Variants in UBE4B observed in about 807,000 individuals in gnomAD.
UBE4B encodes the protein ubiquitin conjugation factor E4 B.
In UBE4B, 27 loss-of-function variants were observed where a neutral mutation model predicts 148.1. That is an observed-to-expected ratio of 0.18 (90% confidence interval 0.13 to 0.25). UBE4B has a LOEUF of 0.25. Among genes scored for constraint, UBE4B ranks in the 10% least tolerant of loss-of-function variants. The pLI, the probability that UBE4B is intolerant of heterozygous loss-of-function variation, is 1.00. For synonymous variants in UBE4B, 596 were observed against 619.3 expected (o/e 0.96, Z 0.56); for missense variants, 1,170 against 1,662.4 (o/e 0.70, Z 5.15).
intron 17 of UBE4B, 143 bp downstream of exon 17, chr1:10,137,348 T>C: frequency 9.5e-7 from 1 of 1,056,296 alleles, no homozygotes; most frequent in Non-Finnish European, 1.4e-6. Context: ...CACCGCCACA[T>C]CCATGTTGCT....
intron 17 of UBE4B, among the ~76,000 whole-genome samples, chr1:10,137,742 A>G (rs776871961): frequency 3.3e-5 from 5 of 152,154 alleles, no homozygotes; most frequent in Non-Finnish European, 5.9e-5. Flanking sequence ...TTTCCTGTGT[A>G]CTAACACCAA....
At position 10,161,385 on chromosome 1, in the gene UBE4B, T is replaced by C. The variant is rs1557607652; in HGVS notation, c.3198+99T>C. On this transcript the variant is annotated intron_variant, in intron 23 of 27. Coordinates refer to ENST00000343090, the MANE Select transcript of UBE4B (RefSeq NM_001105562.3). This position sits in a 1 kb window ranked among gnomAD's most constrained non-coding sequence, Gnocchi z 4.1. The stretch of plus-strand genomic sequence containing the variant: ...GGCTGCATTTGTGGGTCTGATGATA[T>C]GCGATCTGACATGCTGGGATTTTCC... 12 of 1,387,020 alleles carry C rather than the reference T, an allele frequency of 8.7e-6. No homozygotes were observed. The highest frequency in any genetic ancestry group is 4.9e-5 in the Admixed American group (2 of 41,180). 85.9% of individuals were successfully genotyped at this position (1,387,020 alleles called of 1,614,324 possible). A position where few individuals can be genotyped will look rare whatever the true frequency, so the allele number is the denominator to read the frequency against.
At position 10,111,513 on chromosome 1, in the gene UBE4B, T is replaced by C. The variant is rs114817195; in HGVS notation, c.1196+4930T>C. ...ATTATATAGAACACACACGCACCCA[T>C]GCACGCACACCGTCGTTCTTCATCC... On this transcript the variant is annotated intron_variant, in intron 7 of 27. Transcript: ENST00000343090. Among the ~76,000 whole-genome samples, 702 of 152,292 alleles carry C rather than the reference T, an allele frequency of 4.6e-3. 3 individuals are homozygous for C. Among genetic ancestry groups the C allele is most frequent in the Middle Eastern group, 0.01 (3 of 294 alleles).
At chr1:10,096,962 C>T (rs1644938097) in intron 3 of UBE4B, among the ~76,000 whole-genome samples, 1 of 151,440 alleles carries the variant, frequency 6.6e-6, no homozygotes, top group South Asian at 2.1e-4. Flanking sequence ...TCACTTGAAC[C>T]TGGGAGGTGT....
intron 10 of UBE4B, among the ~76,000 whole-genome samples, chr1:10,126,332 TAG>T (rs1645495192): frequency 6.6e-6 from 1 of 151,982 alleles, no homozygotes; most frequent in Non-Finnish European, 1.5e-5. Context: ...GATAGATAGA[TAG>T]ATAGATAGAT....
At chr1:10,042,506 G>T (rs548365300) in intron 1 of UBE4B, among the ~76,000 whole-genome samples, 1 of 152,282 alleles carries the variant, frequency 6.6e-6, no homozygotes, top group African/African-American at 2.4e-5. Flanking sequence ...AATTAGCCGG[G>T]CGTGGTGGTG....
At chr1:10,078,105 G>C (rs1407527596) in intron 2 of UBE4B, among the ~76,000 whole-genome samples, 1 of 152,094 alleles carries the variant, frequency 6.6e-6, no homozygotes, top group Non-Finnish European at 1.5e-5. Flanking sequence ...CGTCACCCGG[G>C]TTCAAGTGAT....
chr1:10,087,387 C>G (rs961941620), intron 2 of UBE4B, among the ~76,000 whole-genome samples: 2 of 152,144 alleles, frequency 1.3e-5, no homozygotes, highest in African/African-American at 4.8e-5. Flanking sequence ...CCAGTCTCCC[C>G]TAATGTTAAT....
intron 23 of UBE4B, among the ~76,000 whole-genome samples, chr1:10,164,004 G>C (rs956750936): frequency 6.6e-6 from 1 of 151,608 alleles, no homozygotes; most frequent in African/African-American, 2.4e-5. Flanking sequence ...GGGGGTTACA[G>C]ACATGAGCCA....
chr1:10,126,151 T>C (rs1645490081), intron 10 of UBE4B, among the ~76,000 whole-genome samples: 1 of 151,872 alleles, frequency 6.6e-6, no homozygotes, highest in Non-Finnish European at 1.5e-5. Context: ...ATACAAAAAT[T>C]AGCCAGGTGT....
At chr1:10,142,839 C>T (rs952858145) in intron 17 of UBE4B, among the ~76,000 whole-genome samples, 2 of 151,968 alleles carry the variant, frequency 1.3e-5, no homozygotes, top group East Asian at 1.9e-4. Context: ...AGATCTCCTT[C>T]GCTTGCCTGG....
intron 23 of UBE4B, among the ~76,000 whole-genome samples, chr1:10,162,560 A>T (rs1429678357): frequency 1.3e-5 from 2 of 149,964 alleles, no homozygotes; most frequent in South Asian, 4.2e-4. Flanking sequence ...CATCCGCCTC[A>T]GCCTCCCAAA....
In UBE4B at chr1:10,074,417, G is replaced by C. The variant is rs550565298; in HGVS notation, c.211+2203G>C. Among the ~76,000 whole-genome samples the C allele has an allele frequency of 5.3e-5, 8 of 150,994 alleles. No individual in the cohort carries two copies. The East Asian group carries it at 1.2e-3, about 22-fold the overall frequency. The stretch of plus-strand genomic sequence containing the variant: ...GGGAATGAACAAAAGGAACTCTCTT[G>C]ATCTAATTCCCCCTGCCAGCTTCTC... On this transcript the variant is annotated intron_variant, in intron 2 of 27. Transcript: ENST00000343090.
In UBE4B at chr1:10,149,254, G is replaced by A. The variant is rs2101983777; in HGVS notation, c.2662G>A (p.Val888Ile). 8.7e-6 allele frequency: 14 copies of A among 1,608,870 alleles called. No individual in the cohort carries two copies. The highest frequency in any genetic ancestry group is 8.0e-5 in the African/African-American group (6 of 74,666). Residue 888 changes from valine (V) to isoleucine (I), a missense_variant, in exon 20 of 28, where the codon GTT (valine) becomes ATT (isoleucine). Physicochemically the swap from Val to Ile is conservative, Grantham distance 29. Coordinates refer to ENST00000343090, the MANE Select transcript of UBE4B (RefSeq NM_001105562.3). ...AALPEFYVED[V>I]AEFLFFIVQY... is the part of the protein sequence containing the mutation. Reference sequence around the variant, plus strand: ...GTTGCCTGAGTTTTATGTAGAAGATGTTGCAGAATTTTTATTTTTTATTGT... The same window carrying A: ...GTTGCCTGAGTTTTATGTAGAAGATATTGCAGAATTTTTATTTTTTATTGT...
At chr1:10,086,097 G>A (rs1039884910) in intron 2 of UBE4B, among the ~76,000 whole-genome samples, 2 of 151,954 alleles carry the variant, frequency 1.3e-5, no homozygotes, top group Admixed American at 6.6e-5. Flanking sequence ...TCAGCCTCCC[G>A]AGTAGCTGGG....
intron 11 of UBE4B, 113 bp downstream of exon 11, chr1:10,126,990 A>G: frequency 1.0e-6 from 1 of 960,526 alleles, no homozygotes; most frequent in Non-Finnish European, 1.6e-6. Flanking sequence ...TCAAATTTAA[A>G]ACATGAAATC....
rs1420142162 is a variant in UBE4B at position 10,130,541 on chromosome 1, T to G, written c.1737T>G (p.Pro579=). ...TGTGGTTGCCGAAATCCTTAAGTCC[T>G]GGCTGTGGGCGGGAGCTGCAGAGAC... ...LRLWLPKSLS[P]GCGRELQRLS... The change falls in exon 13 of 28, where the codon CCT becomes CCG. Residue 579 remains proline, a synonymous_variant. Transcript: ENST00000343090. 1 of 1,614,226 alleles carries G rather than the reference T, an allele frequency of 6.2e-7. No individual in the cohort carries two copies. The highest frequency in any genetic ancestry group is 2.2e-5 in the East Asian group (1 of 44,886).
At chr1:10,049,816 G>T (rs1034166578) in intron 1 of UBE4B, among the ~76,000 whole-genome samples, 1 of 151,358 alleles carries the variant, frequency 6.6e-6, no homozygotes, top group African/African-American at 2.4e-5. Flanking sequence ...CTTGAGCCCG[G>T]CAGGTCCAGG....
At position 10,168,327 on chromosome 1, in the gene UBE4B, C is replaced by T; in HGVS notation, c.3333+57C>T. 1 of 1,587,730 alleles carries T rather than the reference C, an allele frequency of 6.3e-7. No homozygotes were observed. Among genetic ancestry groups the T allele is most frequent in the South Asian group, 1.1e-5 (1 of 87,738 alleles). On this transcript the variant is annotated intron_variant, in intron 24 of 27. Coordinates refer to ENST00000343090, the MANE Select transcript of UBE4B (RefSeq NM_001105562.3). The surrounding 1 kb of genome is among the most constrained non-coding windows in gnomAD (Gnocchi z 4.9). ...TTTGGACTCCACATTCAGACTCTCT[C>T]ACTTATAACTTTAGCAGTTGTTGAA...
Sources: allele counts gnomAD v4.1 joint callset (sites outside exome capture counted in the v4.1 genomes callset), GRCh38; gene constraint gnomAD v4.1.1; non-coding constraint Gnocchi (gnomAD v3.1); transcripts MANE v1.5; gene names NCBI Gene and HGNC (gene_info 2026-07-23, HGNC 2026-07-21).